The following THRAP3 variants were observed in gnomAD, a reference collection of about 807,000 sequenced individuals.
THRAP3 encodes the protein thyroid hormone receptor-associated protein 3.
THRAP3 carries 16 observed loss-of-function variants against 101.0 expected under a neutral mutation model. That is an observed-to-expected ratio of 0.16 (90% confidence interval 0.11 to 0.24). THRAP3 has a LOEUF of 0.24. THRAP3 is among the 10% of genes least tolerant of loss of function. The pLI is 1.00. For synonymous variants in THRAP3, 407 were observed against 422.6 expected (o/e 0.96, Z 0.45); for missense variants, 989 against 1,202.7 (o/e 0.82, Z 2.63).
chr1:36,239,792 G>A (rs2124393495), intron 1 of THRAP3, among the ~76,000 whole-genome samples: 1 of 152,258 alleles, frequency 6.6e-6, no homozygotes, highest in South Asian at 2.1e-4. Context: ...ACATTTGTTA[G>A]CATTTGCTTA....
At chr1:36,280,053 G>A (rs1645712145) in intron 2 of THRAP3, among the ~76,000 whole-genome samples, 1 of 152,152 alleles carries the variant, frequency 6.6e-6, no homozygotes, top group Admixed American at 6.5e-5. Flanking sequence ...GGGAGGCCAG[G>A]GCAGGAGGAT....
At chr1:36,270,283 A>G (rs1053085080) in intron 2 of THRAP3, among the ~76,000 whole-genome samples, 1 of 152,080 alleles carries the variant, frequency 6.6e-6, no homozygotes, top group African/African-American at 2.4e-5. Context: ...CCAGCTACTC[A>G]GGAGGCTGAG....
intron 1 of THRAP3, among the ~76,000 whole-genome samples, chr1:36,248,061 G>T (rs1267637955): frequency 6.6e-6 from 1 of 151,860 alleles, no homozygotes; most frequent in East Asian, 1.9e-4. Context: ...TGTATTTTTA[G>T]TAGAGACAGG....
In THRAP3 at chr1:36,305,310, T is replaced by C. The variant is rs1275047759; in HGVS notation, c.*1293T>C. Reference sequence around the variant, plus strand: ...GAAAATGAAAATCTCCCTTAAAATTTGTTTCAACTCCTCCTGCAAATAAAA... The same window carrying C: ...GAAAATGAAAATCTCCCTTAAAATTCGTTTCAACTCCTCCTGCAAATAAAA... On this transcript the variant is annotated 3_prime_UTR_variant, in exon 12 of 12. Coordinates refer to ENST00000354618, the MANE Select transcript of THRAP3 (RefSeq NM_005119.4). 1 of 193,338 alleles carries C rather than the reference T, an allele frequency of 5.2e-6. No individual in the cohort carries two copies. Among genetic ancestry groups the C allele is most frequent in the East Asian group, 8.0e-5 (1 of 12,454 alleles). The allele number at this position is 193,338 out of a possible 1,614,324, so 12.0% of individuals were successfully genotyped here. A position where few individuals can be genotyped will look rare whatever the true frequency, so the allele number is the denominator to read the frequency against.
chr1:36,231,077 A>C (rs1645022499), intron 1 of THRAP3, among the ~76,000 whole-genome samples: 1 of 151,902 alleles, frequency 6.6e-6, no homozygotes, highest in South Asian at 2.1e-4. Context: ...ATCTTTTATT[A>C]CCTGTTCTGG....
chr1:36,266,781 C>T (rs1645519455), intron 2 of THRAP3, among the ~76,000 whole-genome samples: 1 of 152,190 alleles, frequency 6.6e-6, no homozygotes, highest in South Asian at 2.1e-4. Flanking sequence ...GTGGCCAAGT[C>T]CCTGGACAGT....
At position 36,253,498 on chromosome 1, in the gene THRAP3, A is replaced by G. The variant is rs566059564; in HGVS notation, c.-134-5884A>G. Among the ~76,000 whole-genome samples, 4 of 152,328 alleles carry G rather than the reference A, an allele frequency of 2.6e-5. No individual in the cohort carries two copies. The East Asian group carries it at 7.7e-4, about 29-fold the overall frequency. On this transcript the variant is annotated intron_variant, in intron 1 of 11. Transcript: ENST00000354618. ...TTTTGACAGTATGAGAAGTGAATAA[A>G]GTAATTTGACATTTCTTGAAATTGA...
chr1:36,224,122 T>G (rs1242461677), upstream of THRAP3, among the ~76,000 whole-genome samples: 1 of 152,154 alleles, frequency 6.6e-6, no homozygotes, highest in Non-Finnish European at 1.5e-5. Flanking sequence ...GCTCAGACTC[T>G]CCCTCCAGGC....
In THRAP3 at chr1:36,282,471, C is replaced by T. The variant is rs1395292856; in HGVS notation, c.-31-62C>T. 27 of 1,226,502 alleles carry T rather than the reference C, an allele frequency of 2.2e-5. No individual in the cohort carries two copies. In the Admixed American group the frequency reaches 2.2e-4, roughly 10 times the overall value. 76.0% of individuals were successfully genotyped at this position (1,226,502 alleles called of 1,614,324 possible). ...AAAAGAAATGTGTTTCTAAAATGTCCAAAGAGGTTCACATTTGCAAAGGAA... is the reference window on the plus strand; with the variant it reads ...AAAAGAAATGTGTTTCTAAAATGTCTAAAGAGGTTCACATTTGCAAAGGAA... On this transcript the variant is annotated intron_variant, in intron 2 of 11. Transcript: ENST00000354618.
At chr1:36,263,401 A>G (rs1390795454) in intron 2 of THRAP3, among the ~76,000 whole-genome samples, 2 of 152,190 alleles carry the variant, frequency 1.3e-5, no homozygotes, top group East Asian at 3.8e-4. Flanking sequence ...CACCTGGACA[A>G]TAATTCCATT....
In THRAP3 at chr1:36,293,940, A is replaced by G. The variant is rs746958516; in HGVS notation, c.2115+5A>G. On this transcript the variant is annotated splice_donor_5th_base_variant and intron_variant, in intron 8 of 11. Transcript: ENST00000354618. ...CCCCGGGAACCTGGCTACAAGGTGAACTGTTGATTTGATCAGTAATTCCAA... is the reference window on the plus strand; with the variant it reads ...CCCCGGGAACCTGGCTACAAGGTGAGCTGTTGATTTGATCAGTAATTCCAA... 7 of 1,612,666 alleles carry G rather than the reference A, an allele frequency of 4.3e-6. No individual in the cohort carries two copies. In the African/African-American group the frequency reaches 6.7e-5, roughly 15 times the overall value.
At chr1:36,230,010 A>G (rs1424665800) in intron 1 of THRAP3, among the ~76,000 whole-genome samples, 2 of 135,308 alleles carry the variant, frequency 1.5e-5, no homozygotes, top group African/African-American at 5.7e-5. Context: ...GCTGGAGTGC[A>G]GTGGTGCCAT....
At chr1:36,253,200 G>A (rs1407708841) in intron 1 of THRAP3, among the ~76,000 whole-genome samples, 1 of 151,948 alleles carries the variant, frequency 6.6e-6, no homozygotes, top group East Asian at 1.9e-4. Context: ...CATTGAGCAT[G>A]TGATTTTAAT....
intron 7 of THRAP3, among the ~76,000 whole-genome samples, 183 bp from the exon 8 acceptor site, chr1:36,293,668 G>GTGTGTGTGTGTA (rs1176006696): frequency 1.3e-5 from 2 of 148,564 alleles, no homozygotes; most frequent in Non-Finnish European, 2.9e-5. Flanking sequence ...GTGTGTGTGT[G>GTGTGTGTGTGTA]TGTGTGTGTG....
At chr1:36,271,748 C>G (rs891130537) in intron 2 of THRAP3, among the ~76,000 whole-genome samples, 2 of 151,976 alleles carry the variant, frequency 1.3e-5, no homozygotes, top group African/African-American at 4.8e-5. Context: ...CGCATACCAC[C>G]ACACCCGGCT....
Position 36,296,684 on chromosome 1 carries a change from A to G in THRAP3, c.2217A>G (p.Glu739=), listed in dbSNP as rs773059834. The stretch of plus-strand genomic sequence containing the variant: ...ATCTTAAACGAGGTAAATCGAGAGA[A>G]TCAGTGGATTCCCGAGACTCCAGTC... ...ERDLKRGKSR[E]SVDSRDSSHS... The change falls in exon 9 of 12, where the codon GAA becomes GAG. Residue 739 remains glutamate (E), a synonymous_variant. Transcript: ENST00000354618. The G allele has an allele frequency of 6.8e-6, 11 of 1,611,328 alleles. No homozygotes were observed. The highest frequency in any genetic ancestry group is 9.3e-6 in the Non-Finnish European group (11 of 1,179,438).
chr1:36,244,406 G>A (rs1645206363), intron 1 of THRAP3, among the ~76,000 whole-genome samples: 1 of 151,964 alleles, frequency 6.6e-6, no homozygotes, highest in Admixed American at 6.6e-5. Context: ...GGTTGAATGT[G>A]CCTTCATGGA....
At chr1:36,303,112 A>ATTTTTTTTTTTTTTTTTTTTTTTTTTTTT in intron 11 of THRAP3, among the ~76,000 whole-genome samples, 1 of 125,148 alleles carries the variant, frequency 8.0e-6, no homozygotes, top group Non-Finnish European at 1.7e-5. Context: ...TGCCTGGCTA[A>ATTTTTTTTTTTTTTTTTTTTTTTTTTTTT]TTTTTTTTTT....
intron 3 of THRAP3, among the ~76,000 whole-genome samples, chr1:36,285,911 G>A (rs1208646047): frequency 6.6e-6 from 1 of 151,998 alleles, no homozygotes; most frequent in Admixed American, 6.6e-5. Context: ...AGGGTGTGGA[G>A]TGTTACCACA....
Sources: allele counts gnomAD v4.1 joint callset (sites outside exome capture counted in the v4.1 genomes callset), GRCh38; gene constraint gnomAD v4.1.1; transcripts MANE v1.5; gene names NCBI Gene and HGNC (gene_info 2026-07-23, HGNC 2026-07-21).